Variants in NOS1 observed in about 807,000 individuals in gnomAD.
NOS1 encodes the protein nitric oxide synthase 1, also known as NOS type I.
A neutral mutation model predicts 164.5 loss-of-function variants in NOS1; 51 were observed. That is an observed-to-expected ratio of 0.31 (90% confidence interval 0.25 to 0.39). The LOEUF is 0.39. Ranked by LOEUF, NOS1 falls within the 10% of genes least tolerant of loss-of-function variation. The pLI is 1.00. For missense variants in NOS1, 1,362 were observed against 1,885.6 expected, an observed-to-expected ratio of 0.72 and a Z score of 5.14; for synonymous variants, 719 against 745.8, an observed-to-expected ratio of 0.96 and a Z score of 0.59.
Position 117,211,561 on chromosome 12 carries a change from C to T in NOS1, c.*3748G>A, listed in dbSNP as rs565549382. The T allele has an allele frequency of 3.2e-4, 312 of 985,472 alleles. No homozygotes were observed. The highest frequency in any genetic ancestry group is 3.2e-4 in the Non-Finnish European group (263 of 830,008). The allele number at this position is 985,472 out of a possible 1,614,324, so 61.0% of individuals were successfully genotyped here. ...TTGTAATGCCACTCACCTCTCCCCA[C>T]GGTCTGGTCCCAGCCCACCTTTTCT... On this transcript the variant is annotated 3_prime_UTR_variant, in exon 29 of 29. Coordinates refer to ENST00000317775, the MANE Select transcript of NOS1 (RefSeq NM_000620.5).
At chr12:117,247,956 A>AAAAAG (rs1297285756) in intron 17 of NOS1, among the ~76,000 whole-genome samples, 1 of 150,640 alleles carries the variant, frequency 6.6e-6, no homozygotes, top group African/African-American at 2.4e-5. Flanking sequence ...AAAAAAAAAA[A>AAAAAG]AAAAGAAAAG....
chr12:117,324,031 C>A (rs1875117941), intron 2 of NOS1, among the ~76,000 whole-genome samples: 1 of 151,948 alleles, frequency 6.6e-6, no homozygotes, highest in South Asian at 2.1e-4. Context: ...CTGCGTCAGC[C>A]TTCCAAGATG....
chr12:117,248,507 C>G (rs939770957), intron 17 of NOS1, among the ~76,000 whole-genome samples: 1 of 151,606 alleles, frequency 6.6e-6, no homozygotes, highest in Non-Finnish European at 1.5e-5. Flanking sequence ...TCATCCATGT[C>G]CCTACAAAGG....
chr12:117,256,824 C>A, intron 16 of NOS1, among the ~76,000 whole-genome samples: 1 of 151,778 alleles, frequency 6.6e-6, no homozygotes, highest in Non-Finnish European at 1.5e-5. Flanking sequence ...GTAATCCCAG[C>A]ACTTTGGGAG....
intron 3 of NOS1, among the ~76,000 whole-genome samples, chr12:117,301,449 C>T (rs955917632): frequency 1.3e-5 from 2 of 152,168 alleles, no homozygotes; most frequent in Non-Finnish European, 2.9e-5. Flanking sequence ...GAGTAACATT[C>T]AGTAAATGCC....
At chr12:117,255,376 AC>A (rs1417348581) in intron 16 of NOS1, among the ~76,000 whole-genome samples, 4 of 152,208 alleles carry the variant, frequency 2.6e-5, no homozygotes, top group Non-Finnish European at 5.9e-5. Context: ...AAATCTAATT[AC>A]AAAAAATTAA....
intron 3 of NOS1, among the ~76,000 whole-genome samples, chr12:117,303,657 T>C (rs556195426): frequency 6.6e-6 from 1 of 152,126 alleles, no homozygotes; most frequent in African/African-American, 2.4e-5. Context: ...TTAATTGGTA[T>C]CTGAAAATAG....
intron 27 of NOS1, among the ~76,000 whole-genome samples, chr12:117,218,646 C>T (rs544511127): frequency 1.3e-5 from 2 of 152,102 alleles, no homozygotes; most frequent in Admixed American, 6.6e-5. Flanking sequence ...GTGGAGACTC[C>T]GTGGGCATGC....
chr12:117,321,130 C>G (rs564035658), intron 2 of NOS1, among the ~76,000 whole-genome samples: 25 of 152,290 alleles, frequency 1.6e-4, no homozygotes, highest in African/African-American at 6.0e-4. Flanking sequence ...CTGCCTCAGC[C>G]TCCTGGGTAG....
In NOS1 at chr12:117,286,157, C is replaced by T; in HGVS notation, c.1237G>A (p.Ala413Thr). The T allele has an allele frequency of 6.2e-7, 1 of 1,614,236 alleles. No homozygotes were observed. Among genetic ancestry groups the T allele is most frequent in the Non-Finnish European group, 8.5e-7 (1 of 1,180,056 alleles). ...ACACAGCGCGAGGCATTCCGCCAGG[C>T]GTGCTTGGCCCCATAGATGAGCTCT... Reference protein sequence around the residue: ...DTELIYGAKHAWRNASRCVGR... With the variant: ...DTELIYGAKHTWRNASRCVGR... Residue 413 changes from alanine to threonine, a missense_variant, in exon 6 of 29, where the codon GCC becomes ACC. Ala to Thr is a moderately conservative substitution (Grantham distance 58). Transcript: ENST00000317775.
In NOS1 at chr12:117,212,436, A is replaced by G. The variant is rs1391159356; in HGVS notation, c.*2873T>C. 12 of 985,312 alleles carry G rather than the reference A, an allele frequency of 1.2e-5. No individual in the cohort carries two copies. The highest frequency in any genetic ancestry group is 1.4e-5 in the Non-Finnish European group (12 of 829,944). The allele number at this position is 985,312 out of a possible 1,614,324, so 61.0% of individuals were successfully genotyped here. A position where few individuals can be genotyped will look rare whatever the true frequency, so the allele number is the denominator to read the frequency against. On this transcript the variant is annotated 3_prime_UTR_variant, in exon 29 of 29. Transcript: ENST00000317775. The stretch of plus-strand genomic sequence containing the variant: ...CTGGCTGTCTCACTCCAGGGAAACC[A>G]AAAGAAGCCCTCTCTCCTCCCAAGG...
At chr12:117,318,406 C>T (rs1874763693) in intron 2 of NOS1, among the ~76,000 whole-genome samples, 1 of 152,162 alleles carries the variant, frequency 6.6e-6, no homozygotes, top group Non-Finnish European at 1.5e-5. Flanking sequence ...TCCTATAAGG[C>T]CAGGTGTGGA....
At chr12:117,334,423 G>A (rs145570233) in intron 1 of NOS1, among the ~76,000 whole-genome samples, 7,979 of 152,024 alleles carry the variant, frequency 0.052, 589 homozygotes, top group African/African-American at 0.16. Flanking sequence ...TTTAGACAGA[G>A]TCTCACTCTG....
At chr12:117,232,500 G>A (rs1869329562) in intron 21 of NOS1, among the ~76,000 whole-genome samples, 1 of 152,088 alleles carries the variant, frequency 6.6e-6, no homozygotes, top group South Asian at 2.1e-4. Context: ...CCCCCTGAAT[G>A]GGATGTTAGT....
chr12:117,354,930 C>A (rs1876791534), intron 1 of NOS1, among the ~76,000 whole-genome samples: 1 of 152,236 alleles, frequency 6.6e-6, no homozygotes, highest in African/African-American at 2.4e-5. Context: ...CGGATACTAT[C>A]TGAAGTTGCG....
intron 22 of NOS1, among the ~76,000 whole-genome samples, chr12:117,230,511 C>T (rs1472967383): frequency 6.6e-6 from 1 of 152,152 alleles, no homozygotes; most frequent in Non-Finnish European, 1.5e-5. Context: ...CGCTAATTAG[C>T]CTCTTCCTTG....
intron 1 of NOS1, among the ~76,000 whole-genome samples, chr12:117,345,934 G>T (rs1177932260): frequency 2.0e-5 from 3 of 152,238 alleles, no homozygotes; most frequent in Admixed American, 2.0e-4. Flanking sequence ...GTGAATCAGG[G>T]TCTCAATCTC....
chr12:117,298,503 C>T (rs746593607), intron 3 of NOS1, among the ~76,000 whole-genome samples: 1 of 152,194 alleles, frequency 6.6e-6, no homozygotes, highest in Non-Finnish European at 1.5e-5. Flanking sequence ...TCCCCATCCC[C>T]ATCAAATTCA....
intron 24 of NOS1, among the ~76,000 whole-genome samples, chr12:117,225,636 C>CT (rs1006366658): frequency 4.0e-5 from 6 of 150,642 alleles, no homozygotes; most frequent in African/African-American, 9.8e-5. Flanking sequence ...TTTTTTCTTT[C>CT]TTTTTTTTTG....
Sources: gnomAD v4.1 joint callset for allele counts (sites outside exome capture counted in the v4.1 genomes callset) on GRCh38, gnomAD v4.1.1 for gene constraint, MANE v1.5 for transcripts, NCBI Gene and HGNC (gene_info 2026-07-23, HGNC 2026-07-21) for gene names.